The following HELB variants were observed in gnomAD, a reference collection of about 807,000 sequenced individuals.
The protein encoded by HELB is DNA 5'-3' helicase B.
HELB carries 96 observed loss-of-function variants against 101.7 expected under a neutral mutation model. That is an observed-to-expected ratio of 0.94 (90% CI 0.80 to 1.12). HELB has a LOEUF of 1.12. Among genes scored for constraint, HELB ranks in the 50% most tolerant of loss-of-function variants. The pLI is 0.00. For missense variants in HELB, 1,210 were observed against 1,291.9 expected, an observed-to-expected ratio of 0.94 and a Z score of 0.97; for synonymous variants, 437 against 459.7, an observed-to-expected ratio of 0.95 and a Z score of 0.63.
chr12:66,316,051 T>C (rs1460242436), intron 6 of HELB, among the ~76,000 whole-genome samples: 1 of 152,206 alleles, frequency 6.6e-6, no homozygotes, highest in Non-Finnish European at 1.5e-5. Context: ...ATTATAAAAC[T>C]ATAATTTTAC....
intron 12 of HELB, among the ~76,000 whole-genome samples, chr12:66,334,123 G>A (rs753790966): frequency 2.0e-4 from 30 of 151,976 alleles, no homozygotes; most frequent in East Asian, 9.7e-4. Context: ...TTGCATCATG[G>A]TACTCCAGCC....
chr12:66,307,059 A>G (rs189949265), intron 3 of HELB, among the ~76,000 whole-genome samples: 4 of 152,346 alleles, frequency 2.6e-5, no homozygotes, highest in Non-Finnish European at 4.4e-5. Context: ...AAAGGGGCAC[A>G]CTGAGGCTCC....
intron 3 of HELB, among the ~76,000 whole-genome samples, chr12:66,306,854 T>C (rs2053482858): frequency 1.3e-5 from 2 of 152,210 alleles, no homozygotes; most frequent in African/African-American, 2.4e-5. Context: ...TTGAATCTTA[T>C]TGAGGTCAAC....
At position 66,314,147 on chromosome 12, in the gene HELB, T is replaced by C. The variant is rs374813272; in HGVS notation, c.1842T>C (p.Ser614=). The C allele has an allele frequency of 2.5e-6, 4 of 1,612,966 alleles. No individual in the cohort carries two copies. In the African/African-American group the frequency reaches 5.3e-5, roughly 22 times the overall value. The change falls in exon 5 of 13, where the codon TCT becomes TCC. Residue 614 remains serine (S), a synonymous_variant. Coordinates refer to ENST00000247815, the MANE Select transcript of HELB (RefSeq NM_001370285.1). ...LNLLCEHSKL[S]KLIILGDIRQ... ...TATTGTGTGAGCACTCCAAACTTTCTAAGCTTATTATCCTTGGTAAGTTAA... is the reference window on the plus strand; with the variant it reads ...TATTGTGTGAGCACTCCAAACTTTCCAAGCTTATTATCCTTGGTAAGTTAA...
At chr12:66,340,158 T>C (rs1218857677), downstream of HELB, 2 of 152,218 alleles carry the variant, frequency 1.3e-5, no homozygotes, top group Admixed American at 6.5e-5. Context: ...ATGGGTCATA[T>C]GGTAACTCTA....
downstream of HELB, chr12:66,339,787 T>C (rs1344263058): frequency 1.3e-5 from 2 of 152,178 alleles, no homozygotes; most frequent in East Asian, 3.9e-4. Flanking sequence ...TCACACTCCT[T>C]AGCAGTAATC....
Position 66,304,763 on chromosome 12 carries a change from T to G in HELB, c.220T>G (p.Cys74Gly), listed in dbSNP as rs762883213. 6.8e-6 allele frequency: 11 copies of G among 1,613,454 alleles called. No homozygotes were observed. The highest frequency in any genetic ancestry group is 9.3e-6 in the Non-Finnish European group (11 of 1,179,734). The change falls in exon 2 of 13, where the codon TGT (cysteine) becomes GGT (glycine). Residue 74 changes from cysteine (C) to glycine (G), a missense_variant. Physicochemically the swap from Cys to Gly is radical, Grantham distance 159 (BLOSUM62 -3). Transcript: ENST00000247815. Reference sequence around the variant, plus strand: ...TTGTGATGAAAACACACAAGAGACATGTAAAGTGTTTGGACGTTTTCCGAT... The same window carrying G: ...TTGTGATGAAAACACACAAGAGACAGGTAAAGTGTTTGGACGTTTTCCGAT... ...SICDENTQET[C>G]KVFGRFPITG...
At chr12:66,331,688 C>T (rs756671458) in intron 12 of HELB, 43 bp downstream of exon 12, 8 of 1,536,222 alleles carry the variant, frequency 5.2e-6, no homozygotes, top group East Asian at 2.2e-5. Context: ...ATTTAAATAT[C>T]GCTAACTTCG....
At chr12:66,303,496 G>A (rs1001506719) in intron 1 of HELB, among the ~76,000 whole-genome samples, 1 of 152,028 alleles carries the variant, frequency 6.6e-6, no homozygotes, top group African/African-American at 2.4e-5. Flanking sequence ...AGCCGGGCGT[G>A]ATGTCGCACA....
chr12:66,317,112 G>T (rs888081031), intron 6 of HELB, among the ~76,000 whole-genome samples: 1 of 151,614 alleles, frequency 6.6e-6, no homozygotes, highest in Non-Finnish European at 1.5e-5. Context: ...CAGGAGAATC[G>T]CTTGAACCCT....
At chr12:66,341,893 C>A (rs1355886715), downstream of HELB, 1 of 152,212 alleles carries the variant, frequency 6.6e-6, no homozygotes, top group East Asian at 1.9e-4. Context: ...CTGAGGCCTC[C>A]CCAGCCATGT....
intron 3 of HELB, 104 bp downstream of exon 3, chr12:66,306,618 C>A: frequency 1.6e-6 from 1 of 632,944 alleles, no homozygotes; most frequent in East Asian, 3.1e-5. Context: ...TGTGTGGACC[C>A]CAGTATTGAT....
intron 12 of HELB, 52 bp downstream of exon 12, chr12:66,331,697 C>T (rs376287649): frequency 4.6e-5 from 69 of 1,498,520 alleles, no homozygotes; most frequent in Non-Finnish European, 5.2e-5. Flanking sequence ...TCGCTAACTT[C>T]GGTGTGCTTA....
chr12:66,338,118 T>G lies in HELB; in HGVS notation c.*16T>G, dbSNP rs1381952197. 1 of 1,357,084 alleles carries G rather than the reference T, an allele frequency of 7.4e-7. No individual in the cohort carries two copies. 84.1% of individuals were successfully genotyped at this position (1,357,084 alleles called of 1,614,324 possible). ...AGAAACTTAGTTTTATTTCAAATTG[T>G]TCCGAGTAACTATGTTTTTCTATTG... On this transcript the variant is annotated 3_prime_UTR_variant, in exon 13 of 13. Coordinates refer to ENST00000247815, the MANE Select transcript of HELB (RefSeq NM_001370285.1).
intron 11 of HELB, among the ~76,000 whole-genome samples, chr12:66,327,760 GA>G (rs1274270697): frequency 2.6e-5 from 4 of 151,956 alleles, no homozygotes; most frequent in Admixed American, 1.3e-4. Flanking sequence ...AATTTGGTGG[GA>G]AAGGGGATAG....
At chr12:66,334,093 G>A (rs552154243) in intron 12 of HELB, among the ~76,000 whole-genome samples, 1 of 152,076 alleles carries the variant, frequency 6.6e-6, no homozygotes, top group South Asian at 2.1e-4. Flanking sequence ...CTGAGAGGTC[G>A]AGGCTGCAGT....
chr12:66,331,135 A>G lies in HELB; in HGVS notation c.2671-19A>G, dbSNP rs891606677. The G allele has an allele frequency of 1.9e-6, 3 of 1,580,880 alleles. No homozygotes were observed. The highest frequency in any genetic ancestry group is 2.6e-6 in the Non-Finnish European group (3 of 1,163,010). ...CTATTTTATAGCATTTAGTCTTCAC[A>G]CCATATTTTTCCTGCCAGGGGTCCG... On this transcript the variant is annotated intron_variant, in intron 11 of 12. Transcript: ENST00000247815.
chr12:66,325,367 C>T (rs1281020561), intron 11 of HELB, among the ~76,000 whole-genome samples: 4 of 152,202 alleles, frequency 2.6e-5, no homozygotes, highest in Non-Finnish European at 5.9e-5. Flanking sequence ...CTTCCCCTCC[C>T]TGCCTGAGTC....
At chr12:66,326,023 A>G (rs535924098) in intron 11 of HELB, among the ~76,000 whole-genome samples, 10 of 152,342 alleles carry the variant, frequency 6.6e-5, no homozygotes, top group African/African-American at 2.2e-4. Context: ...TATTGCTGTA[A>G]GACTGCTAAC....
Sources: allele counts gnomAD v4.1 joint callset (sites outside exome capture counted in the v4.1 genomes callset), GRCh38; gene constraint gnomAD v4.1.1; transcripts MANE v1.5; gene names NCBI Gene and HGNC (gene_info 2026-07-23, HGNC 2026-07-21).